Variants in ZNF250 observed in about 807,000 individuals in gnomAD.
The protein encoded by ZNF250 is zinc finger protein 250, also known as zinc finger protein (clone 647).
Under a neutral mutation model 37.1 loss-of-function variants are expected in ZNF250, and 13 were observed. The observed-to-expected ratio is 0.35, with a 90% CI of 0.23 to 0.56. The LOEUF (loss-of-function observed/expected upper bound fraction) is 0.56, where lower values mean the gene tolerates loss of function less well. Ranked by LOEUF, ZNF250 falls within the 20% of genes least tolerant of loss-of-function variation. The pLI is 0.87. For synonymous variants in ZNF250, 251 were observed against 265.6 expected (o/e 0.94, Z 0.54); for missense variants, 474 against 697.9 (o/e 0.68, Z 3.61).
In ZNF250 at chr8:144,878,555, G is replaced by C. The variant is rs1831261451; in HGVS notation, c.*2960C>G. On this transcript the variant is annotated 3_prime_UTR_variant, in exon 6 of 6. Coordinates refer to ENST00000417550, the MANE Select transcript of ZNF250 (RefSeq NM_001109689.4). ...CCTGAATAATACCTCAGTAACCTCA[G>C]CTCCTCCCTTAAGTAACATCTCATT... 6.6e-6 allele frequency: 1 copy of C among 151,888 alleles called. No individual in the cohort carries two copies. The highest frequency in any genetic ancestry group is 1.5e-5 in the Non-Finnish European group (1 of 67,974). 9.4% of individuals were successfully genotyped at this position (151,888 alleles called of 1,614,324 possible). A position where few individuals can be genotyped will look rare whatever the true frequency, so the allele number is the denominator to read the frequency against.
chr8:144,897,439 C>T lies in ZNF250; in HGVS notation c.-55+3960G>A, dbSNP rs1832794386. Among the ~76,000 whole-genome samples the T allele has an allele frequency of 6.6e-6, 1 of 152,222 alleles. No individual in the cohort carries two copies. Among genetic ancestry groups the T allele is most frequent in the South Asian group, 2.1e-4 (1 of 4,828 alleles). On this transcript the variant is annotated intron_variant, in intron 1 of 5. Transcript: ENST00000417550. This position sits in a 1 kb window ranked among gnomAD's most constrained non-coding sequence, Gnocchi z 5.2. ...AACCTAAACTAACCCTAACCTGCAA[C>T]CTTTCCAGAATTAATGATCAGAAAT...
chr8:144,878,784 G>T lies in ZNF250; in HGVS notation c.*2731C>A, dbSNP rs893318247. 1.3e-5 allele frequency: 2 copies of T among 152,166 alleles called. No homozygotes were observed. The highest frequency in any genetic ancestry group is 2.1e-4 in the South Asian group (1 of 4,832). The allele number at this position is 152,166 out of a possible 1,614,324, so 9.4% of individuals were successfully genotyped here. A position where few individuals can be genotyped will look rare whatever the true frequency, so the allele number is the denominator to read the frequency against. ...CCTCTGTGATCTCAGCTTCTCTGAAGAATTACCTCAATGATCTAATCTCTA... is the reference window on the plus strand; with the variant it reads ...CCTCTGTGATCTCAGCTTCTCTGAATAATTACCTCAATGATCTAATCTCTA... On this transcript the variant is annotated 3_prime_UTR_variant, in exon 6 of 6. Transcript: ENST00000417550.
rs748332916 is a variant in ZNF250, at chr8:144,882,881, C to T, written c.347-45G>A. ...ATGAAAATGTTAACACTACTCAAAA[C>T]TGAAGAGCTAGTGCAACCCTGAAAC... is the stretch of plus-strand genomic sequence containing the variant. On this transcript the variant is annotated intron_variant, in intron 5 of 5. Coordinates refer to ENST00000417550, the MANE Select transcript of ZNF250 (RefSeq NM_001109689.4). The surrounding 1 kb of genome is among the most constrained non-coding windows in gnomAD (Gnocchi z 5.5). 2.6e-6 allele frequency: 4 copies of T among 1,560,280 alleles called. No individual in the cohort carries two copies. The highest frequency in any genetic ancestry group is 2.5e-5 in the South Asian group (2 of 80,708).
rs1487491618 is a variant in ZNF250, at chr8:144,891,750, G to T, written c.-54-1347C>A. ...GCCTGTAGTCCCAGCTACTCAGGAG[G>T]CTGAGGCAAGAGAATTGCTTGAACT... On this transcript the variant is annotated intron_variant, in intron 1 of 5. Coordinates refer to ENST00000417550, the MANE Select transcript of ZNF250 (RefSeq NM_001109689.4). The surrounding 1 kb of genome is among the most constrained non-coding windows in gnomAD (Gnocchi z 4.0). Among the ~76,000 whole-genome samples the T allele has an allele frequency of 6.6e-6, 1 of 152,200 alleles. No individual in the cohort carries two copies. Among genetic ancestry groups the T allele is most frequent in the African/African-American group, 2.4e-5 (1 of 41,448 alleles).
In ZNF250 at chr8:144,889,687, T is replaced by C; in HGVS notation, c.177A>G (p.Pro59=). ...TYGNVVSLGL[P]GSKPDIISQL... is the part of the protein sequence containing the mutation. ...GGGAGATTATGTCAGGCTTGGATCC[T>C]GGAAGTCCTGCTCGTGGGGAGGGAA... Residue 59 remains proline (P), a synonymous_variant, in exon 4 of 6, where the codon CCA becomes CCG. Coordinates refer to ENST00000417550, the MANE Select transcript of ZNF250 (RefSeq NM_001109689.4). The C allele has an allele frequency of 6.2e-7, 1 of 1,613,748 alleles. No individual in the cohort carries two copies. The highest frequency in any genetic ancestry group is 8.5e-7 in the Non-Finnish European group (1 of 1,179,800).
intron 1 of ZNF250, among the ~76,000 whole-genome samples, chr8:144,892,998 T>A (rs1832454619): frequency 6.6e-6 from 1 of 151,994 alleles, no homozygotes; most frequent in Admixed American, 6.6e-5. Flanking sequence ...TAGCTGGGAT[T>A]ACAAGCACCC....
intron 1 of ZNF250, among the ~76,000 whole-genome samples, chr8:144,896,008 CAA>C (rs1183288137): frequency 8.9e-4 from 58 of 64,902 alleles, no homozygotes; most frequent in Admixed American, 1.5e-3. Context: ...GACTCTGTCT[CAA>C]AAAAAAAAAA....
intron 5 of ZNF250, among the ~76,000 whole-genome samples, chr8:144,883,630 G>A (rs909885505): frequency 1.3e-5 from 2 of 151,972 alleles, no homozygotes; most frequent in African/African-American, 4.8e-5. Context: ...GTGAACCATC[G>A]GACCTGGCCA....
At chr8:144,886,950 A>G in intron 4 of ZNF250, 48 bp from the exon 5 acceptor site, 1 of 1,574,816 alleles carries the variant, frequency 6.3e-7, no homozygotes, top group South Asian at 1.1e-5. Flanking sequence ...ACTCCCTTCA[A>G]GAGTGGAAAA....
chr8:144,891,043 A>C lies in ZNF250; in HGVS notation c.-54-640T>G, dbSNP rs934270306. ...AAGGAAGACTTGTCATCAAGTGAGA[A>C]GGGGATGCTTGGGGTAGTGGGGCTG... is the stretch of plus-strand genomic sequence containing the variant. On this transcript the variant is annotated intron_variant, in intron 1 of 5. Transcript: ENST00000417550. This position sits in a 1 kb window ranked among gnomAD's most constrained non-coding sequence, Gnocchi z 4.0. Among the ~76,000 whole-genome samples, 9 of 152,166 alleles carry C rather than the reference A, an allele frequency of 5.9e-5. No individual in the cohort carries two copies. Among genetic ancestry groups the C allele is most frequent in the African/African-American group, 1.9e-4 (8 of 41,446 alleles).
At position 144,889,697 on chromosome 8, in the gene ZNF250, G is replaced by C. The variant is rs200653542; in HGVS notation, c.170-3C>G. The C allele has an allele frequency of 6.2e-7, 1 of 1,613,070 alleles. No individual in the cohort carries two copies. Among genetic ancestry groups the C allele is most frequent in the Non-Finnish European group, 8.5e-7 (1 of 1,179,466 alleles). ...GTCAGGCTTGGATCCTGGAAGTCCT[G>C]CTCGTGGGGAGGGAAGTCTTTGTTT... is the stretch of plus-strand genomic sequence containing the variant. On this transcript the variant is annotated splice_region_variant and splice_polypyrimidine_tract_variant and intron_variant, in intron 3 of 5. Coordinates refer to ENST00000417550, the MANE Select transcript of ZNF250 (RefSeq NM_001109689.4).
chr8:144,898,854 A>G (rs933076905), intron 1 of ZNF250, among the ~76,000 whole-genome samples: 2 of 152,238 alleles, frequency 1.3e-5, no homozygotes, highest in Admixed American at 1.3e-4. Context: ...TAGATCCACC[A>G]TATGACCCAG....
Position 144,890,143 on chromosome 8 carries a change from C to T in ZNF250, c.43-84G>A. The T allele has an allele frequency of 6.4e-7, 1 of 1,564,418 alleles. No homozygotes were observed. Among genetic ancestry groups the T allele is most frequent in the South Asian group, 1.2e-5 (1 of 85,680 alleles). The stretch of plus-strand genomic sequence containing the variant: ...GGGTGCATGTGACATGTGACATGAG[C>T]AGTTGGCAGTGGGGGGCTCTGTGAG... On this transcript the variant is annotated intron_variant, in intron 2 of 5. Transcript: ENST00000417550. This position sits in a 1 kb window ranked among gnomAD's most constrained non-coding sequence, Gnocchi z 5.1.
intron 1 of ZNF250, among the ~76,000 whole-genome samples, chr8:144,895,714 T>C (rs1267288689): frequency 6.6e-6 from 1 of 151,534 alleles, no homozygotes; most frequent in Non-Finnish European, 1.5e-5. Flanking sequence ...ATATTGCTAA[T>C]TAAAAAAAAA....
intron 4 of ZNF250, among the ~76,000 whole-genome samples, chr8:144,889,247 G>A (rs1026861217): frequency 2.0e-5 from 3 of 152,204 alleles, no homozygotes; most frequent in Admixed American, 6.5e-5. Flanking sequence ...AAATCATCAG[G>A]TAACTCTCAA....
At chr8:144,901,704 C>T (rs962062972), upstream of ZNF250, 1 of 152,320 alleles carries the variant, frequency 6.6e-6, no homozygotes, top group African/African-American at 2.4e-5. This position sits in a 1 kb window ranked among gnomAD's most constrained non-coding sequence, Gnocchi z 5.4. Flanking sequence ...GGCTCCCCGG[C>T]CGCACTTCCG....
At position 144,878,179 on chromosome 8, in the gene ZNF250, CTCA is replaced by C. The variant is rs1831244008; in HGVS notation, c.*3333_*3335del. ...TGATCTCTTGGCTCTGAAGTAACAC[CTCA>C]GTAATCTCAGTTCCTCTTTGGACTG... On this transcript the variant is annotated 3_prime_UTR_variant, in exon 6 of 6. Transcript: ENST00000417550. 6.6e-6 allele frequency: 1 copy of C among 152,220 alleles called. No individual in the cohort carries two copies. Among genetic ancestry groups the C allele is most frequent in the Non-Finnish European group, 1.5e-5 (1 of 68,050 alleles). 9.4% of individuals were successfully genotyped at this position (152,220 alleles called of 1,614,324 possible).
chr8:144,893,091 G>A (rs1366643377), intron 1 of ZNF250, among the ~76,000 whole-genome samples: 1 of 151,640 alleles, frequency 6.6e-6, no homozygotes, highest in Non-Finnish European at 1.5e-5. Flanking sequence ...TCGAACTCCC[G>A]ACCTCAGGTG....
Position 144,881,142 on chromosome 8 carries a change from T to C in ZNF250, c.*373A>G, listed in dbSNP as rs939824291. The C allele has an allele frequency of 5.5e-6, 1 of 182,812 alleles. No individual in the cohort carries two copies. The highest frequency in any genetic ancestry group is 1.2e-5 in the Non-Finnish European group (1 of 86,356). 11.3% of individuals were successfully genotyped at this position (182,812 alleles called of 1,614,324 possible). On this transcript the variant is annotated 3_prime_UTR_variant, in exon 6 of 6. Transcript: ENST00000417550. ...GGTTAATTGATATTTAGGAAGGGCA[T>C]GTAATGTTCTTAGAAAAAGAACTTT...
Sources: gnomAD v4.1 joint callset for allele counts (sites outside exome capture counted in the v4.1 genomes callset) on GRCh38, gnomAD v4.1.1 for gene constraint, Gnocchi (gnomAD v3.1) non-coding constraint, MANE v1.5 for transcripts, NCBI Gene and HGNC (gene_info 2026-07-23, HGNC 2026-07-21) for gene names.